AK9: variants seen among roughly 807,000 people sequenced by gnomAD.
AK9 encodes the protein adenylate kinase domain containing 1.
AK9 carries 191 observed loss-of-function variants against 239.6 expected under a neutral mutation model. The ratio of observed to expected loss-of-function variants is 0.80; its 90% confidence interval spans 0.71 to 0.90. The LOEUF (loss-of-function observed/expected upper bound fraction) is 0.90, where lower values mean the gene tolerates loss of function less well. AK9 is among the 40% of genes least tolerant of loss of function. AK9 has a pLI of 0.00. For synonymous variants in AK9, 689 were observed against 721.0 expected (o/e 0.96, Z 0.71); for missense variants, 1,995 against 2,214.7 (o/e 0.90, Z 1.99).
chr6:109,528,487 T>C (rs1443047015), intron 29 of AK9: 1 of 448,054 alleles, frequency 2.2e-6, no homozygotes, highest in Non-Finnish European at 4.5e-6. Flanking sequence ...GGGTTCTTAT[T>C]CTTACATGGT....
intron 1 of AK9, 77 bp from the exon 2 acceptor site, chr6:109,675,833 TGTGAGTTTTCTTA>T: frequency 1.2e-6 from 1 of 826,222 alleles, no homozygotes. Flanking sequence ...TGAAATAACC[TGTGAGTTTTCTTA>T]GCCCAGAAGT....
chr6:109,641,482 G>A (rs766321243), intron 10 of AK9, 36 bp downstream of exon 10: 1 of 1,524,772 alleles, frequency 6.6e-7, no homozygotes, highest in Admixed American at 1.7e-5. Context: ...AACATATATT[G>A]AAAATTAGAC....
chr6:109,632,896 T>C (rs61136268), intron 12 of AK9, 27 bp downstream of exon 12: 3 of 1,603,000 alleles, frequency 1.9e-6, no homozygotes, highest in Admixed American at 1.7e-5. Context: ...GATAGATAGA[T>C]AGATAGACAG....
intron 15 of AK9, among the ~76,000 whole-genome samples, chr6:109,612,946 ATG>A (rs1190996352): frequency 4.0e-5 from 6 of 149,078 alleles, no homozygotes; most frequent in Admixed American, 2.0e-4. Context: ...TATTATTTAT[ATG>A]TGTCCTTTCA....
At chr6:109,568,316 A>G (rs1465027612) in intron 21 of AK9, among the ~76,000 whole-genome samples, 1 of 152,202 alleles carries the variant, frequency 6.6e-6, no homozygotes, top group Admixed American at 6.5e-5. Context: ...ACCCACAGCC[A>G]ATATCATACT....
In AK9 at chr6:109,516,050, G is replaced by C; in HGVS notation, c.3872C>G (p.Pro1291Arg). 1.3e-6 allele frequency: 2 copies of C among 1,549,880 alleles called. No individual in the cohort carries two copies. Among genetic ancestry groups the C allele is most frequent in the Non-Finnish European group, 1.7e-6 (2 of 1,145,718 alleles). The change falls in exon 31 of 41, where the codon CCA becomes CGA. Residue 1291 changes from proline to arginine, a missense_variant. Transcript: ENST00000424296. ...CCGAGCTCCATTAATGGAAATTATT[G>C]GTATCAAATACCTCTCAAGTTCATC... ...IQDELERYLI[P>R]IISINGARRN...
At position 109,585,939 on chromosome 6, in the gene AK9, T is replaced by C. The variant is rs1003940217; in HGVS notation, c.1976A>G (p.Tyr659Cys). ...KKGIIPDLVI[Y>C]LSDTENNGKC... The stretch of plus-strand genomic sequence containing the variant: ...ACCATTGTTTTCTGTATCTGATAAA[T>C]AGATGACCAAATCAGGTATAATTCC... The change falls in exon 18 of 41, where the codon TAT (tyrosine) becomes TGT (cysteine). Residue 659 changes from tyrosine (Y) to cysteine (C), a missense_variant. By Grantham distance (194) the Tyr-to-Cys change is radical. Transcript: ENST00000424296. The C allele has an allele frequency of 5.2e-6, 8 of 1,547,084 alleles. No individual in the cohort carries two copies. Among genetic ancestry groups the C allele is most frequent in the South Asian group, 1.2e-5 (1 of 82,590 alleles).
Position 109,493,230 on chromosome 6 carries a change from T to G in AK9, c.*139A>C, listed in dbSNP as rs1776702982. On this transcript the variant is annotated 3_prime_UTR_variant, in exon 41 of 41. Transcript: ENST00000424296. ...TGGCTGGCAGACCTTTGAGTTCACC[T>G]GAAGTCTGGCAGCCATGGTACCTTG... 1.2e-6 allele frequency: 1 copy of G among 809,494 alleles called. No individual in the cohort carries two copies. Among genetic ancestry groups the G allele is most frequent in the African/African-American group, 1.7e-5 (1 of 58,242 alleles). 50.1% of individuals were successfully genotyped at this position (809,494 alleles called of 1,614,324 possible).
At chr6:109,672,776 G>A (rs748839768) in intron 3 of AK9, among the ~76,000 whole-genome samples, 19 of 152,196 alleles carry the variant, frequency 1.2e-4, no homozygotes, top group Non-Finnish European at 2.5e-4. Context: ...GTACTGTGTA[G>A]TGTACAATAG....
intron 29 of AK9, among the ~76,000 whole-genome samples, chr6:109,525,818 G>T (rs1164152813): frequency 1.3e-5 from 2 of 152,070 alleles, no homozygotes; most frequent in Non-Finnish European, 2.9e-5. Context: ...AATAGAAATC[G>T]TTCTACTAAA....
chr6:109,547,858 A>C (rs1783786603), intron 25 of AK9, among the ~76,000 whole-genome samples: 1 of 151,890 alleles, frequency 6.6e-6, no homozygotes, highest in Non-Finnish European at 1.5e-5. Flanking sequence ...AAAAAAAAAA[A>C]AAAAAAACCC....
chr6:109,543,084 G>A (rs1425114066), intron 26 of AK9, among the ~76,000 whole-genome samples: 3 of 152,084 alleles, frequency 2.0e-5, no homozygotes, highest in Non-Finnish European at 4.4e-5. Flanking sequence ...ATACAAACTA[G>A]AAGAGGATTA....
At chr6:109,603,731 T>C (rs930295599) in intron 17 of AK9, among the ~76,000 whole-genome samples, 4 of 152,174 alleles carry the variant, frequency 2.6e-5, no homozygotes, top group African/African-American at 9.7e-5. Context: ...CAGTTCGAGC[T>C]TCCTGGTTGC....
chr6:109,636,406 C>G (rs1251315915), intron 10 of AK9, among the ~76,000 whole-genome samples: 1 of 151,948 alleles, frequency 6.6e-6, no homozygotes, highest in Non-Finnish European at 1.5e-5. Context: ...TGGCAAAATA[C>G]ACATCCCATA....
chr6:109,506,467 CTA>C lies in AK9; in HGVS notation c.4707_4708del (p.Ile1569MetfsTer15). The C allele has an allele frequency of 6.2e-7, 1 of 1,613,600 alleles. No homozygotes were observed. The highest frequency in any genetic ancestry group is 8.5e-7 in the Non-Finnish European group (1 of 1,179,844). ...CTGATGCTGTTCTTGATAATATTGC[CTA>C]ATCTCACCAATATTTTTGCGATACT... On this transcript the variant is annotated frameshift_variant, in exon 35 of 41. Transcript: ENST00000424296. LOFTEE classifies it high-confidence loss of function.
Position 109,653,694 on chromosome 6 carries a change from T to C in AK9, c.759+3062A>G, listed in dbSNP as rs9986343. Among the ~76,000 whole-genome samples, 658 of 145,270 alleles carry C rather than the reference T, an allele frequency of 4.5e-3. 3 individuals carry two copies. The highest frequency in any genetic ancestry group is 5.2e-3 in the Non-Finnish European group (339 of 65,764). ...TAGATTTTTTTTTTTTTCTCTCTCT[T>C]TCTTTTTTGTAGAGACAGGGTTTCA... On this transcript the variant is annotated intron_variant, in intron 8 of 40. Transcript: ENST00000424296.
intron 5 of AK9, 54 bp from the exon 6 acceptor site, chr6:109,662,717 G>T: frequency 1.1e-6 from 1 of 895,276 alleles, no homozygotes; most frequent in Non-Finnish European, 1.5e-6. Flanking sequence ...ACATATGAGG[G>T]CATGGATTTA....
At position 109,493,404 on chromosome 6, in the gene AK9, G is replaced by T. The variant is rs1312548455; in HGVS notation, c.5701C>A (p.Leu1901Ile). 1 of 1,614,094 alleles carries T rather than the reference G, an allele frequency of 6.2e-7. No homozygotes were observed. The highest frequency in any genetic ancestry group is 1.1e-5 in the South Asian group (1 of 91,082). ...IDFDHKLKTF[L>I]SLRNIDPING ...ATTGGGTCTATATTTCTGAGAGAGAGAAAGGTCTTTAACTTATGATCAAAG... is the reference window on the plus strand; with the variant it reads ...ATTGGGTCTATATTTCTGAGAGAGATAAAGGTCTTTAACTTATGATCAAAG... The change falls in exon 41 of 41, where the codon CTC becomes ATC. Residue 1901 changes from leucine to isoleucine, a missense_variant. Leu to Ile is a conservative substitution (Grantham distance 5, BLOSUM62 2). Coordinates refer to ENST00000424296, the MANE Select transcript of AK9 (RefSeq NM_001145128.3).
At chr6:109,606,361 A>G (rs1353557848) in intron 17 of AK9, among the ~76,000 whole-genome samples, 2 of 152,210 alleles carry the variant, frequency 1.3e-5, no homozygotes, top group Non-Finnish European at 2.9e-5. Context: ...TGTAGGAGGC[A>G]CAGAAAGACA....
Sources: allele counts gnomAD v4.1 joint callset (sites outside exome capture counted in the v4.1 genomes callset), GRCh38; gene constraint gnomAD v4.1.1; transcripts MANE v1.5; gene names NCBI Gene and HGNC (gene_info 2026-07-23, HGNC 2026-07-21).